The following BTBD9 variants were observed in gnomAD, a reference collection of about 807,000 sequenced individuals.
BTBD9 encodes BTB domain containing 9, also known as BTB/POZ domain-containing protein 9.
Under a neutral mutation model 64.3 loss-of-function variants are expected in BTBD9, and 49 were observed. The ratio of observed to expected loss-of-function variants is 0.76; its 90% CI spans 0.61 to 0.97. The LOEUF is 0.97. Among genes scored for constraint, BTBD9 ranks in the 50% least tolerant of loss-of-function variants. BTBD9 has a pLI of 0.00. For synonymous variants in BTBD9, 260 were observed against 274.7 expected (o/e 0.95, Z 0.53); for missense variants, 598 against 762.1 (o/e 0.78, Z 2.53).
intron 9 of BTBD9, among the ~76,000 whole-genome samples, chr6:38,205,295 G>A (rs2127495232): frequency 6.6e-6 from 1 of 152,234 alleles, no homozygotes; most frequent in East Asian, 1.9e-4. Context: ...AAGAAACTTT[G>A]GAAGATCTTA....
intron 7 of BTBD9, among the ~76,000 whole-genome samples, chr6:38,299,714 T>C (rs1762311986): frequency 2.0e-5 from 3 of 152,244 alleles, no homozygotes; most frequent in Non-Finnish European, 1.5e-5. Flanking sequence ...GTTTGTTTTT[T>C]TCTTGTAAAT....
chr6:38,377,581 G>T (rs1224640105), intron 6 of BTBD9, among the ~76,000 whole-genome samples: 1 of 152,020 alleles, frequency 6.6e-6, no homozygotes, highest in African/African-American at 2.4e-5. Context: ...GGTGCATACA[G>T]GCATGCACAC....
intron 1 of BTBD9, among the ~76,000 whole-genome samples, chr6:38,613,264 C>T (rs970206050): frequency 6.6e-6 from 1 of 152,184 alleles, no homozygotes; most frequent in Non-Finnish European, 1.5e-5. Context: ...TCCTGTTTGA[C>T]AGCGCTGCTT....
chr6:38,280,039 C>T (rs182110395), intron 8 of BTBD9, among the ~76,000 whole-genome samples: 5 of 152,122 alleles, frequency 3.3e-5, no homozygotes, highest in Admixed American at 2.0e-4. Flanking sequence ...ACTTTTCCTG[C>T]TTTTCCAAAG....
chr6:38,226,113 C>T (rs897122289), intron 9 of BTBD9, among the ~76,000 whole-genome samples: 6 of 152,210 alleles, frequency 3.9e-5, no homozygotes, highest in South Asian at 2.1e-4. Context: ...CTTGCTCTCA[C>T]CTGCCCTCTC....
intron 6 of BTBD9, among the ~76,000 whole-genome samples, chr6:38,545,046 A>G (rs1774471133): frequency 6.6e-6 from 1 of 151,496 alleles, no homozygotes; most frequent in Admixed American, 6.6e-5. Flanking sequence ...AACATTCAAG[A>G]AGTTTGACTT....
intron 9 of BTBD9, among the ~76,000 whole-genome samples, chr6:38,247,055 A>AC (rs1764233269): frequency 6.6e-6 from 1 of 152,188 alleles, no homozygotes; most frequent in Non-Finnish European, 1.5e-5. Context: ...CCTGGAACCA[A>AC]CCCAAAGTTT....
chr6:38,417,907 G>C (rs1767747448), intron 6 of BTBD9, among the ~76,000 whole-genome samples: 1 of 151,840 alleles, frequency 6.6e-6, no homozygotes, highest in African/African-American at 2.4e-5. Context: ...CTTTGTTTTG[G>C]ATAGCCAATC....
chr6:38,294,084 G>A lies in BTBD9; in HGVS notation c.1265-5623C>T, dbSNP rs191298856. ...TATGAAAAAAAGCTCAACATCACTG[G>A]CCATTAGAGAAATGCAAATCAAAAC... is the stretch of plus-strand genomic sequence containing the variant. On this transcript the variant is annotated intron_variant, in intron 7 of 10. Coordinates refer to ENST00000481247, the MANE Select transcript of BTBD9 (RefSeq NM_001099272.2). Among the ~76,000 whole-genome samples, 573 of 152,226 alleles carry A rather than the reference G, an allele frequency of 3.8e-3. 1 individual carries two copies. The highest frequency in any genetic ancestry group is 5.5e-3 in the Non-Finnish European group (372 of 68,006).
intron 6 of BTBD9, among the ~76,000 whole-genome samples, chr6:38,362,451 A>C (rs73422890): frequency 0.053 from 8,096 of 152,296 alleles, 705 homozygotes; most frequent in African/African-American, 0.18. Flanking sequence ...GGGTAAACAA[A>C]TGGTAATCAT....
chr6:38,611,480 A>G (rs1777616013), intron 1 of BTBD9, among the ~76,000 whole-genome samples: 1 of 152,200 alleles, frequency 6.6e-6, no homozygotes, highest in South Asian at 2.1e-4. Flanking sequence ...TCCTACTTGT[A>G]CCAAGAAACA....
intron 6 of BTBD9, among the ~76,000 whole-genome samples, chr6:38,496,058 G>C (rs1771941688): frequency 6.6e-6 from 1 of 152,128 alleles, no homozygotes; most frequent in African/African-American, 2.4e-5. Flanking sequence ...TCTGCCCGTT[G>C]TGACCGTGAA....
chr6:38,565,824 G>C (rs1422434367), intron 6 of BTBD9: 2 of 152,176 alleles, frequency 1.3e-5, no homozygotes, highest in Non-Finnish European at 2.9e-5. Context: ...AATGGGCAAA[G>C]ACTACATTGT....
chr6:38,589,273 C>T (rs1776687192), intron 4 of BTBD9, among the ~76,000 whole-genome samples: 1 of 152,108 alleles, frequency 6.6e-6, no homozygotes, highest in African/African-American at 2.4e-5. Context: ...CAGGTACTAC[C>T]CTTATACTGA....
intron 6 of BTBD9, among the ~76,000 whole-genome samples, chr6:38,464,376 ATT>A: frequency 7.0e-6 from 1 of 142,450 alleles, no homozygotes. Flanking sequence ...CCAGCCTTGC[ATT>A]CATGAAAAAA....
intron 6 of BTBD9, among the ~76,000 whole-genome samples, chr6:38,408,187 A>T (rs570113237): frequency 1.3e-5 from 2 of 152,000 alleles, no homozygotes. Context: ...TGAGACCCCC[A>T]TCTCAAAAGA....
intron 6 of BTBD9, among the ~76,000 whole-genome samples, chr6:38,515,619 C>T (rs1772990664): frequency 6.6e-6 from 1 of 152,198 alleles, no homozygotes; most frequent in Non-Finnish European, 1.5e-5. Context: ...CCATACTCCT[C>T]TCCTACAACT....
chr6:38,269,263 T>C (rs1453670991), intron 8 of BTBD9, among the ~76,000 whole-genome samples: 2 of 152,124 alleles, frequency 1.3e-5, no homozygotes. Context: ...TAAATTCTTA[T>C]AAACAAAAGA....
At position 38,290,069 on chromosome 6, in the gene BTBD9, T is replaced by C. The variant is rs1582172560; in HGVS notation, c.1265-1608A>G. 2.6e-5 allele frequency among the ~76,000 whole-genome samples: 4 copies of C among 151,430 alleles called. No individual in the cohort carries two copies. In the South Asian group the frequency reaches 8.4e-4, roughly 32 times the overall value. On this transcript the variant is annotated intron_variant, in intron 7 of 10. Coordinates refer to ENST00000481247, the MANE Select transcript of BTBD9 (RefSeq NM_001099272.2). ...TATGCAACTCATTTATTTTCCAAAG[T>C]TGGACATGCTTGTACTTAAGCCCTC...
Sources: allele counts gnomAD v4.1 joint callset (sites outside exome capture counted in the v4.1 genomes callset), GRCh38; gene constraint gnomAD v4.1.1; transcripts MANE v1.5; gene names NCBI Gene and HGNC (gene_info 2026-07-23, HGNC 2026-07-21).